Variants in LIPM observed in about 807,000 individuals in gnomAD.
The protein encoded by LIPM is lipase member M.
LIPM carries 42 observed loss-of-function variants against 42.4 expected under a neutral mutation model. The ratio of observed to expected loss-of-function variants is 0.99; its 90% CI spans 0.77 to 1.28. The LOEUF is 1.28. LIPM is among the 50% of genes most tolerant of loss of function. LIPM has a pLI of 0.00. For synonymous variants in LIPM, 177 were observed against 173.3 expected (o/e 1.02, Z -0.17); for missense variants, 524 against 520.1 (o/e 1.01, Z -0.07).
At chr10:88,817,444 A>G (rs1843730693) in intron 7 of LIPM, among the ~76,000 whole-genome samples, 1 of 152,216 alleles carries the variant, frequency 6.6e-6, no homozygotes, top group African/African-American at 2.4e-5. Flanking sequence ...CATCAAAACC[A>G]GAGAAGAATT....
chr10:88,809,074 C>T (rs1843623516), intron 2 of LIPM, among the ~76,000 whole-genome samples: 2 of 151,992 alleles, frequency 1.3e-5, no homozygotes, highest in Admixed American at 6.6e-5. Context: ...CCTGCTTCAG[C>T]CTCCCAAGTA....
chr10:88,815,103 C>A lies in LIPM; in HGVS notation c.590C>A (p.Ser197Tyr). The change falls in exon 5 of 9, where the codon TCC becomes TAC. Residue 197 changes from serine (S) to tyrosine (Y), a missense_variant. Ser to Tyr is a moderately radical substitution (Grantham distance 144). Transcript: ENST00000404743. Reference sequence around the variant, plus strand: ...TCTTTTGCAGGCTTTATTGCATTTTCCACCATGCCAGAGCTGGCTCAGAAA... The same window carrying A: ...TCTTTTGCAGGCTTTATTGCATTTTACACCATGCCAGAGCTGGCTCAGAAA... The part of the protein sequence containing the change: ...QGTTMGFIAF[S>Y]TMPELAQKIK... 1 of 1,545,328 alleles carries A rather than the reference C, an allele frequency of 6.5e-7. No individual in the cohort carries two copies.
At chr10:88,809,744 T>C (rs140852120) in intron 2 of LIPM, among the ~76,000 whole-genome samples, 86 of 152,326 alleles carry the variant, frequency 5.6e-4, no homozygotes, top group African/African-American at 2.0e-3. Flanking sequence ...TGGGGTTCTG[T>C]TTTACTCCAA....
chr10:88,812,596 A>G (rs1279778165), intron 2 of LIPM, among the ~76,000 whole-genome samples: 2 of 152,162 alleles, frequency 1.3e-5, no homozygotes, highest in South Asian at 2.1e-4. Context: ...GGATATAATT[A>G]TTTACTATAA....
chr10:88,817,542 G>A (rs1273783561), intron 7 of LIPM, among the ~76,000 whole-genome samples: 1 of 152,206 alleles, frequency 6.6e-6, no homozygotes, highest in African/African-American at 2.4e-5. Flanking sequence ...AGCCCACACA[G>A]TTGTGGAGGA....
rs1332693410 is a variant in LIPM at position 88,815,340 on chromosome 10, A to G, written c.712-17A>G. ...CTTTTCTGTCTGTCATGTCTATGTC[A>G]CTTCATATTTTCACAGGGATTGTTT... On this transcript the variant is annotated splice_polypyrimidine_tract_variant and intron_variant, in intron 5 of 8. Transcript: ENST00000404743. 6.4e-7 allele frequency: 1 copy of G among 1,551,418 alleles called. No homozygotes were observed. Among genetic ancestry groups the G allele is most frequent in the Admixed American group, 2.0e-5 (1 of 50,990 alleles).
chr10:88,808,235 T>G (rs1843611594), intron 1 of LIPM, 63 bp from the exon 2 acceptor site: 4 of 899,254 alleles, frequency 4.4e-6, no homozygotes, highest in Non-Finnish European at 7.2e-6. Flanking sequence ...ACTCTTACTT[T>G]TGGATCATTG....
At chr10:88,806,765 A>G (rs1843593432) in intron 1 of LIPM, among the ~76,000 whole-genome samples, 1 of 151,972 alleles carries the variant, frequency 6.6e-6, no homozygotes, top group Non-Finnish European at 1.5e-5. Flanking sequence ...GCTCACTGTA[A>G]CCTCCGCCTC....
In LIPM at chr10:88,820,299, A is replaced by C; in HGVS notation, c.1070A>C (p.Asp357Ala). The change falls in exon 9 of 9, where the codon GAC becomes GCC. Residue 357 changes from aspartate to alanine, a missense_variant. Coordinates refer to ENST00000404743, the MANE Select transcript of LIPM (RefSeq NM_001128215.1). ...VPTAMWTGGQ[D>A]WLSNPEDVKM... ...ACAGCAATGTGGACAGGAGGTCAGG[A>C]CTGGCTTTCAAATCCAGAAGACGTG... 6.4e-7 allele frequency: 1 copy of C among 1,552,098 alleles called. No individual in the cohort carries two copies. The highest frequency in any genetic ancestry group is 1.2e-5 in the South Asian group (1 of 84,064).
chr10:88,816,566 T>C (rs941682064), intron 6 of LIPM, among the ~76,000 whole-genome samples: 1 of 151,822 alleles, frequency 6.6e-6, no homozygotes. Context: ...ATATCACTAG[T>C]AAAATTTTTT....
intron 1 of LIPM, among the ~76,000 whole-genome samples, chr10:88,806,402 C>T (rs994238602): frequency 2.6e-5 from 4 of 152,194 alleles, no homozygotes; most frequent in Admixed American, 2.6e-4. Context: ...TCTCATCCTT[C>T]ATCCCTCATC....
chr10:88,819,013 G>C (rs539948394), intron 8 of LIPM, among the ~76,000 whole-genome samples: 1 of 151,804 alleles, frequency 6.6e-6, no homozygotes, highest in Non-Finnish European at 1.5e-5. Context: ...TCAGCCTCCC[G>C]AGTAGCTGGG....
intron 8 of LIPM, among the ~76,000 whole-genome samples, chr10:88,818,244 G>A (rs945041310): frequency 6.6e-6 from 1 of 152,192 alleles, no homozygotes; most frequent in Non-Finnish European, 1.5e-5. Context: ...GATGGTGGCA[G>A]TAAGTTTGTT....
At chr10:88,819,061 T>G (rs1843754238) in intron 8 of LIPM, among the ~76,000 whole-genome samples, 1 of 151,740 alleles carries the variant, frequency 6.6e-6, no homozygotes, top group African/African-American at 2.4e-5. Flanking sequence ...CTAATTTTTT[T>G]TTTGTACTTT....
chr10:88,805,989 C>T, intron 1 of LIPM: 2 of 456,584 alleles, frequency 4.4e-6, no homozygotes, highest in Non-Finnish European at 8.8e-6. Flanking sequence ...ATGACCAGGC[C>T]TTTAGACCGC....
chr10:88,803,910 G>C (rs148819143), intron 1 of LIPM, among the ~76,000 whole-genome samples: 1 of 152,008 alleles, frequency 6.6e-6, no homozygotes, highest in Admixed American at 6.6e-5. Flanking sequence ...TAAATACTAC[G>C]CAATAAACCC....
intron 4 of LIPM, 105 bp downstream of exon 4, chr10:88,814,744 T>G: frequency 1.2e-6 from 1 of 835,906 alleles, no homozygotes; most frequent in Non-Finnish European, 1.9e-6. Flanking sequence ...GACCTGCTCT[T>G]TTCATCTTCA....
Position 88,809,040 on chromosome 10 carries a change from C to T in LIPM, c.265+625C>T, listed in dbSNP as rs531156928. ...TAGGATCTCAGCTCACCGCAACCTCCGCCTCCTGGGTTCAAGCAATTCTCC... is the reference window on the plus strand; with the variant it reads ...TAGGATCTCAGCTCACCGCAACCTCTGCCTCCTGGGTTCAAGCAATTCTCC... On this transcript the variant is annotated intron_variant, in intron 2 of 8. Transcript: ENST00000404743. 1.4e-4 allele frequency among the ~76,000 whole-genome samples: 22 copies of T among 151,782 alleles called. No individual in the cohort carries two copies. The East Asian group carries it at 2.3e-3, about 16-fold the overall frequency.
At chr10:88,820,179 G>T in intron 8 of LIPM, 53 bp from the exon 9 acceptor site, 1 of 1,397,622 alleles carries the variant, frequency 7.2e-7, no homozygotes, top group Non-Finnish European at 9.6e-7. Flanking sequence ...CATAAATTAT[G>T]AGCCTGAAAG....
Sources: allele counts gnomAD v4.1 joint callset (sites outside exome capture counted in the v4.1 genomes callset), GRCh38; gene constraint gnomAD v4.1.1; transcripts MANE v1.5; gene names NCBI Gene and HGNC (gene_info 2026-07-23, HGNC 2026-07-21).